ANO2: variants seen among roughly 807,000 people sequenced by gnomAD.
The protein encoded by ANO2 is anoctamin-2.
ANO2 carries 101 observed loss-of-function variants against 124.2 expected under a neutral mutation model. That is an observed-to-expected ratio of 0.81 (90% confidence interval 0.69 to 0.96). The LOEUF is 0.96. Among genes scored for constraint, ANO2 ranks in the 40% least tolerant of loss-of-function variants. The probability of loss-of-function intolerance (pLI) is 0.00; values close to 1 mark genes in which losing one functional copy is unlikely to be tolerated. For synonymous variants in ANO2, 486 were observed against 482.5 expected (o/e 1.01, Z -0.09); for missense variants, 1,293 against 1,274.5 (o/e 1.01, Z -0.22).
At chr12:5,740,401 G>GT (rs2137077566) in intron 12 of ANO2, 1 of 167,524 alleles carries the variant, frequency 6.0e-6, no homozygotes, top group African/African-American at 2.4e-5. Flanking sequence ...TGTTATTTGA[G>GT]TAAGTTGGAG....
chr12:5,856,372 T>C (rs1360459354), intron 3 of ANO2: 1 of 152,052 alleles, frequency 6.6e-6, no homozygotes, highest in African/African-American at 2.4e-5. Context: ...AAGTTTGAGG[T>C]AGGGTTGGGA....
intron 23 of ANO2, among the ~76,000 whole-genome samples, chr12:5,572,914 G>A (rs1353288316): frequency 6.6e-6 from 1 of 152,066 alleles, no homozygotes. Context: ...TGGGAATAAT[G>A]GGGAGACAAC....
intron 3 of ANO2, among the ~76,000 whole-genome samples, chr12:5,854,975 A>G (rs2137256439): frequency 6.6e-6 from 1 of 152,174 alleles, no homozygotes; most frequent in East Asian, 1.9e-4. Flanking sequence ...CAGGGGAAAA[A>G]ATACTTTCTG....
chr12:5,632,327 C>T (rs1945761773), intron 16 of ANO2, among the ~76,000 whole-genome samples: 1 of 151,922 alleles, frequency 6.6e-6, no homozygotes, highest in Non-Finnish European at 1.5e-5. Flanking sequence ...AAAAGAGATT[C>T]ACATTTTAGA....
intron 7 of ANO2, among the ~76,000 whole-genome samples, chr12:5,820,915 C>T (rs766789543): frequency 3.3e-5 from 5 of 152,368 alleles, no homozygotes; most frequent in South Asian, 2.1e-4. Flanking sequence ...TTGGCAAATG[C>T]CTTTTCCTCC....
intron 4 of ANO2, among the ~76,000 whole-genome samples, chr12:5,841,624 C>G (rs116287449): frequency 1.3e-5 from 2 of 152,186 alleles, no homozygotes. Flanking sequence ...CACCCTGGCT[C>G]CCCTTGGTTC....
intron 10 of ANO2, among the ~76,000 whole-genome samples, chr12:5,786,017 G>T (rs1395715966): frequency 6.6e-6 from 1 of 150,936 alleles, no homozygotes; most frequent in Admixed American, 6.6e-5. Context: ...AGAGATGGGG[G>T]TGTTCAGGAA....
intron 14 of ANO2, among the ~76,000 whole-genome samples, chr12:5,684,350 A>C (rs929222737): frequency 6.6e-6 from 1 of 152,220 alleles, no homozygotes; most frequent in Admixed American, 6.5e-5. Flanking sequence ...TGACACAGGC[A>C]ATCTACTAAT....
At chr12:5,720,817 T>C (rs748587118) in intron 14 of ANO2, among the ~76,000 whole-genome samples, 1 of 152,182 alleles carries the variant, frequency 6.6e-6, no homozygotes, top group Non-Finnish European at 1.5e-5. Flanking sequence ...GCTCTCCTTA[T>C]TTGTAACTTC....
At chr12:5,571,987 T>C (rs1202028378) in intron 23 of ANO2, among the ~76,000 whole-genome samples, 1 of 152,190 alleles carries the variant, frequency 6.6e-6, no homozygotes, top group Non-Finnish European at 1.5e-5. Context: ...TTTCTGAACA[T>C]CTACCTATAT....
intron 20 of ANO2, among the ~76,000 whole-genome samples, chr12:5,589,240 G>A (rs895233702): frequency 1.3e-5 from 2 of 152,098 alleles, no homozygotes; most frequent in Non-Finnish European, 2.9e-5. Flanking sequence ...GTGGGTTCAC[G>A]TTACACCTTC....
chr12:5,718,023 G>C (rs969949532), intron 14 of ANO2, among the ~76,000 whole-genome samples: 2 of 152,220 alleles, frequency 1.3e-5, no homozygotes, highest in Non-Finnish European at 2.9e-5. Flanking sequence ...ACACATGGAA[G>C]TCCGGGATGG....
chr12:5,876,051 C>T (rs1343486344), intron 3 of ANO2, among the ~76,000 whole-genome samples: 1 of 152,150 alleles, frequency 6.6e-6, no homozygotes, highest in Non-Finnish European at 1.5e-5. Flanking sequence ...CAGACTTAGT[C>T]GCTGTGGTGC....
intron 10 of ANO2, among the ~76,000 whole-genome samples, chr12:5,752,341 T>A (rs1230959965): frequency 1.3e-5 from 2 of 152,202 alleles, no homozygotes; most frequent in Non-Finnish European, 2.9e-5. Flanking sequence ...GAACAAGGGT[T>A]CCCTTTTCTC....
Position 5,563,173 on chromosome 12 carries a change from C to A in ANO2, c.*126G>T. 7.9e-7 allele frequency: 1 copy of A among 1,266,848 alleles called. No individual in the cohort carries two copies. The highest frequency in any genetic ancestry group is 1.1e-6 in the Non-Finnish European group (1 of 941,574). 78.5% of individuals were successfully genotyped at this position (1,266,848 alleles called of 1,614,324 possible). A position where few individuals can be genotyped will look rare whatever the true frequency, so the allele number is the denominator to read the frequency against. ...GGCTCTTTCTTTTTACACACTGCCCCCTCTTCAAGACCCCATCAAGCCAGG... is the reference window on the plus strand; with the variant it reads ...GGCTCTTTCTTTTTACACACTGCCCACTCTTCAAGACCCCATCAAGCCAGG... On this transcript the variant is annotated 3_prime_UTR_variant, in exon 25 of 25. Transcript: ENST00000682330.
intron 11 of ANO2, among the ~76,000 whole-genome samples, chr12:5,749,951 G>T (rs1425000970): frequency 6.6e-6 from 1 of 151,134 alleles, no homozygotes; most frequent in Non-Finnish European, 1.5e-5. Flanking sequence ...TTTTTCAGAG[G>T]GGTCTTGCTC....
chr12:5,666,928 C>T (rs1947758395), intron 14 of ANO2, among the ~76,000 whole-genome samples: 5 of 152,212 alleles, frequency 3.3e-5, no homozygotes, highest in Admixed American at 3.3e-4. Context: ...CCCAGAAGGG[C>T]TGGTGACTGA....
chr12:5,755,865 G>A (rs1470188439), intron 10 of ANO2, among the ~76,000 whole-genome samples: 1 of 152,128 alleles, frequency 6.6e-6, no homozygotes, highest in East Asian at 1.9e-4. Flanking sequence ...TGGGTACATT[G>A]AGACTTCATG....
chr12:5,587,278 T>C (rs1015870855), intron 20 of ANO2, among the ~76,000 whole-genome samples: 1 of 152,184 alleles, frequency 6.6e-6, no homozygotes, highest in Non-Finnish European at 1.5e-5. Flanking sequence ...GGTCTTCAGG[T>C]GAGAAGAACT....
Sources: allele counts gnomAD v4.1 joint callset (sites outside exome capture counted in the v4.1 genomes callset), GRCh38; gene constraint gnomAD v4.1.1; transcripts MANE v1.5; gene names NCBI Gene and HGNC (gene_info 2026-07-23, HGNC 2026-07-21).